The following SLC35D4 variants were observed in gnomAD, a reference collection of about 807,000 sequenced individuals.
SLC35D4 encodes UDP-N-acetylglucosamine transporter SLC35D4.
the SLC35D4 span, chr18:23,258,646 T>C: frequency 6.6e-6 from 1 of 152,248 alleles, no homozygotes; most frequent in South Asian, 2.1e-4. Flanking sequence ...CTCTTGTTGC[T>C]TTTTGTATAC....
the SLC35D4 span, among the ~76,000 whole-genome samples, chr18:23,268,704 C>T: frequency 0.024 from 3,603 of 152,112 alleles, 49 homozygotes; most frequent in Middle Eastern, 0.037. Flanking sequence ...TTCTAGGGAC[C>T]CCGTGTTGCA....
chr18:23,286,609 T>C, the SLC35D4 span, among the ~76,000 whole-genome samples: 3 of 152,002 alleles, frequency 2.0e-5, no homozygotes, highest in South Asian at 6.2e-4. Flanking sequence ...GGAGGGTAAG[T>C]CCGTCCCCTT....
chr18:23,266,883 G>A, the SLC35D4 span, among the ~76,000 whole-genome samples: 1 of 152,252 alleles, frequency 6.6e-6, no homozygotes, highest in Non-Finnish European at 1.5e-5. Flanking sequence ...CCCCCAGAGA[G>A]GCTCCCTCGC....
chr18:23,308,872 C>CTG, the SLC35D4 span, among the ~76,000 whole-genome samples: 14 of 146,466 alleles, frequency 9.6e-5, no homozygotes, highest in Non-Finnish European at 1.2e-4. Context: ...CTCTCTCTCT[C>CTG]TCTCTGTGTG....
the SLC35D4 span, among the ~76,000 whole-genome samples, chr18:23,404,066 C>T: frequency 1.3e-5 from 2 of 151,804 alleles, no homozygotes; most frequent in Admixed American, 6.6e-5. Flanking sequence ...TGCAGTGAGC[C>T]GAGACTGTGC....
At chr18:23,295,912 C>A in the SLC35D4 span, 3 of 152,260 alleles carry the variant, frequency 2.0e-5, no homozygotes, top group East Asian at 5.8e-4. Flanking sequence ...TGATACCTGG[C>A]AGAGTGGTAA....
chr18:23,431,242 C>T, the SLC35D4 span, among the ~76,000 whole-genome samples: 1 of 151,120 alleles, frequency 6.6e-6, no homozygotes. Flanking sequence ...AGAAGCCTGG[C>T]TGCCTTTTAG....
the SLC35D4 span, among the ~76,000 whole-genome samples, chr18:23,368,418 C>A: frequency 6.6e-6 from 1 of 152,206 alleles, no homozygotes; most frequent in Non-Finnish European, 1.5e-5. Flanking sequence ...TTCAAGGACA[C>A]AATCTAGAAG....
chr18:23,380,325 G>A, the SLC35D4 span, among the ~76,000 whole-genome samples: 189 of 152,142 alleles, frequency 1.2e-3, 1 homozygote, highest in African/African-American at 4.2e-3. Context: ...CCCATCACCT[G>A]CCTGCCAGTC....
chr18:23,295,370 A>T, the SLC35D4 span, among the ~76,000 whole-genome samples: 39 of 152,058 alleles, frequency 2.6e-4, no homozygotes, highest in Non-Finnish European at 5.3e-4. Flanking sequence ...AATAAAAAAA[A>T]TTTAAATTAA....
the SLC35D4 span, among the ~76,000 whole-genome samples, chr18:23,364,600 A>G: frequency 6.6e-6 from 1 of 152,146 alleles, no homozygotes; most frequent in Admixed American, 6.5e-5. Flanking sequence ...AGGCAGTAAG[A>G]TACATTTTAA....
At chr18:23,251,569 T>C in the SLC35D4 span, among the ~76,000 whole-genome samples, 8 of 152,244 alleles carry the variant, frequency 5.3e-5, no homozygotes, top group African/African-American at 1.7e-4. Context: ...ATTGTTTAAT[T>C]CAGAGTTCAC....
chr18:23,411,340 G>GGAAGAGAAGGGAGA, the SLC35D4 span, among the ~76,000 whole-genome samples: 2 of 145,252 alleles, frequency 1.4e-5, no homozygotes, highest in Non-Finnish European at 3.0e-5. Flanking sequence ...GAAGGGAAAG[G>GGAAGAGAAGGGAGA]GAAGAGAAGG....
the SLC35D4 span, among the ~76,000 whole-genome samples, chr18:23,303,770 G>A: frequency 1.3e-5 from 2 of 152,048 alleles, no homozygotes; most frequent in Non-Finnish European, 2.9e-5. Flanking sequence ...GCATGGTGGC[G>A]TGTGCCTGTA....
At chr18:23,328,097 A>G in the SLC35D4 span, among the ~76,000 whole-genome samples, 1 of 152,254 alleles carries the variant, frequency 6.6e-6, no homozygotes, top group East Asian at 1.9e-4. Flanking sequence ...AGCCAATATC[A>G]TACTGAATGG....
the SLC35D4 span, among the ~76,000 whole-genome samples, chr18:23,322,106 C>A: frequency 6.6e-6 from 1 of 152,304 alleles, no homozygotes; most frequent in Non-Finnish European, 1.5e-5. Flanking sequence ...TCTGATTGTA[C>A]ATTTATTTTA....
the SLC35D4 span, among the ~76,000 whole-genome samples, chr18:23,415,020 G>C: frequency 6.6e-6 from 1 of 152,164 alleles, no homozygotes; most frequent in Non-Finnish European, 1.5e-5. Flanking sequence ...GCTGAGGCAG[G>C]AGGATCTCTT....
the SLC35D4 span, among the ~76,000 whole-genome samples, chr18:23,329,067 A>G: frequency 6.6e-6 from 1 of 152,252 alleles, no homozygotes; most frequent in African/African-American, 2.4e-5. Flanking sequence ...AAGATGGACT[A>G]AAGACTTAAA....
At chr18:23,290,885 G>C in the SLC35D4 span, among the ~76,000 whole-genome samples, 2 of 151,230 alleles carry the variant, frequency 1.3e-5, no homozygotes, top group Non-Finnish European at 2.9e-5. Flanking sequence ...TGATCCACCC[G>C]CCTCGGCCTC....
Sources: allele counts gnomAD v4.1 joint callset (sites outside exome capture counted in the v4.1 genomes callset), GRCh38; gene constraint gnomAD v4.1.1; transcripts MANE v1.5; gene names NCBI Gene and HGNC (gene_info 2026-07-23, HGNC 2026-07-21).